Variants in SYNRG observed in about 807,000 individuals in gnomAD.
The protein encoded by SYNRG is AP1 gamma subunit binding protein 1.
Under a neutral mutation model 130.9 loss-of-function variants are expected in SYNRG, and 37 were observed. The observed-to-expected ratio is 0.28, with a 90% CI of 0.22 to 0.37. The LOEUF is 0.37. Among genes scored for constraint, SYNRG ranks in the 10% least tolerant of loss-of-function variants. The pLI, the probability that SYNRG is intolerant of heterozygous loss-of-function variation, is 1.00. For missense variants in SYNRG, 1,338 were observed against 1,588.9 expected (o/e 0.84, Z 2.68); for synonymous variants, 539 against 568.1 (o/e 0.95, Z 0.73).
chr17:37,571,307 C>T (rs1377644641), intron 9 of SYNRG, among the ~76,000 whole-genome samples: 1 of 152,154 alleles, frequency 6.6e-6, no homozygotes, highest in South Asian at 2.1e-4. Context: ...TTAGGCCAGG[C>T]GTGGTGGCTC....
Position 37,520,545 on chromosome 17 carries a change from C to G in SYNRG, c.3770G>C (p.Arg1257Thr), listed in dbSNP as rs140582285. The G allele has an allele frequency of 1.1e-5, 17 of 1,613,940 alleles. No individual in the cohort carries two copies. The African/African-American group carries it at 2.0e-4, about 19-fold the overall frequency. ...CGVCLLNVDS[R>T]SRKEEKPAEE... ...GGAGGCTGCGTGACTTACCCGGCTC[C>G]TCGAGTCCACATTCAAGAGGCACAC... Residue 1257 changes from arginine to threonine, a missense_variant, in exon 20 of 22, where the codon AGG becomes ACG. Physicochemically the swap from Arg to Thr is moderately conservative, Grantham distance 71. Around this residue, in one of 3 missense-constraint regions of SYNRG, gnomAD observed 1,146 missense variants for 1,342.3 expected, o/e 0.85. Coordinates refer to ENST00000612223, the MANE Select transcript of SYNRG (RefSeq NM_007247.6).
chr17:37,542,278 T>C lies in SYNRG; in HGVS notation c.2896A>G (p.Ser966Gly), dbSNP rs142492240. 1,111 of 1,614,114 alleles carry C rather than the reference T, an allele frequency of 6.9e-4. No individual in the cohort carries two copies. Among genetic ancestry groups the C allele is most frequent in the Non-Finnish European group, 9.1e-4 (1,076 of 1,180,056 alleles). The change falls in exon 15 of 22, where the codon AGT (serine) becomes GGT (glycine). Residue 966 changes from serine to glycine, a missense_variant. By Grantham distance (56) the Ser-to-Gly change is moderately conservative. This residue lies in a region of SYNRG where 1,146 missense variants were observed against 1,342.3 expected (regional missense o/e 0.85). Transcript: ENST00000612223. ...LPETTFPALA[S>G]FKDTIPQTSE... ...GTCTGAGGAATCGTGTCTTTAAAAC[T>C]GGCAAGAGCTGGGAAGGTGGTCTCT... is the stretch of plus-strand genomic sequence containing the variant.
rs569345043 is a variant in SYNRG, at chr17:37,602,799, G to A, written c.78-2396C>T. ...AGCACTTTGGGAGGCCAAGGCAGGCGGATCACTTGAGGCCAGGAGTTCAAG... is the reference window on the plus strand; with the variant it reads ...AGCACTTTGGGAGGCCAAGGCAGGCAGATCACTTGAGGCCAGGAGTTCAAG... On this transcript the variant is annotated intron_variant, in intron 1 of 21. Coordinates refer to ENST00000612223, the MANE Select transcript of SYNRG (RefSeq NM_007247.6). Among the ~76,000 whole-genome samples, 12 of 152,302 alleles carry A rather than the reference G, an allele frequency of 7.9e-5. No individual in the cohort carries two copies. The South Asian group carries it at 2.3e-3, about 29-fold the overall frequency.
At chr17:37,528,923 A>G (rs2056288136) in intron 19 of SYNRG, among the ~76,000 whole-genome samples, 1 of 152,244 alleles carries the variant, frequency 6.6e-6, no homozygotes, top group Non-Finnish European at 1.5e-5. Context: ...GTCATGGCTA[A>G]CCTAGTGAAA....
intron 13 of SYNRG, 101 bp from the exon 14 acceptor site, chr17:37,554,160 CACT>C (rs1307345818): frequency 9.5e-7 from 1 of 1,054,604 alleles, no homozygotes; most frequent in Non-Finnish European, 1.4e-6. Flanking sequence ...GACTTTTCTC[CACT>C]GACTTGACAT....
At chr17:37,570,491 G>T in intron 10 of SYNRG, 146 bp downstream of exon 10, 2 of 1,072,598 alleles carry the variant, frequency 1.9e-6, no homozygotes, top group Non-Finnish European at 1.3e-6. Flanking sequence ...TTAATTTCAG[G>T]TTTAGCAGTT....
At chr17:37,552,992 A>T (rs2145352755) in intron 14 of SYNRG, 123 bp downstream of exon 14, 2 of 826,966 alleles carry the variant, frequency 2.4e-6, no homozygotes, top group South Asian at 3.6e-5. Context: ...GGCAATAAAG[A>T]GGTTGATTAT....
intron 3 of SYNRG, among the ~76,000 whole-genome samples, chr17:37,588,258 C>CTTTT (rs35767898): frequency 1.3e-4 from 13 of 103,190 alleles, no homozygotes; most frequent in Non-Finnish European, 1.7e-4. Context: ...ACTTTAAATT[C>CTTTT]TTTTTTTTTT....
chr17:37,550,558 G>C (rs2058631494), intron 14 of SYNRG, among the ~76,000 whole-genome samples: 1 of 152,100 alleles, frequency 6.6e-6, no homozygotes, highest in Non-Finnish European at 1.5e-5. Context: ...ACAAAAGAGA[G>C]TGATACAGAA....
At chr17:37,606,081 G>GA in intron 1 of SYNRG, 2 of 910,618 alleles carry the variant, frequency 2.2e-6, no homozygotes, top group Non-Finnish European at 2.6e-6. Context: ...CCCTGAAACT[G>GA]AATTTCCTTA....
At chr17:37,559,706 G>A (rs771522858) in intron 13 of SYNRG, among the ~76,000 whole-genome samples, 4 of 152,076 alleles carry the variant, frequency 2.6e-5, no homozygotes, top group Non-Finnish European at 4.4e-5. Flanking sequence ...AAAAAGACTA[G>A]TTGCTGCCTT....
intron 19 of SYNRG, among the ~76,000 whole-genome samples, chr17:37,528,338 A>G (rs1056920988): frequency 6.6e-6 from 1 of 152,052 alleles, no homozygotes; most frequent in Non-Finnish European, 1.5e-5. Flanking sequence ...CCTTCCCCTT[A>G]TAAGGACTCA....
At chr17:37,606,044 C>G in intron 1 of SYNRG, 1 of 974,382 alleles carries the variant, frequency 1.0e-6, no homozygotes, top group Non-Finnish European at 1.2e-6. Flanking sequence ...AAGACGCACC[C>G]CTGAAGTTAA....
intron 11 of SYNRG, among the ~76,000 whole-genome samples, chr17:37,565,298 T>A (rs1373485751): frequency 4.0e-5 from 6 of 151,776 alleles, no homozygotes; most frequent in Admixed American, 3.9e-4. Context: ...AAGGAAAGTA[T>A]GGAAGTAGTC....
At chr17:37,532,581 G>A (rs984313255) in intron 19 of SYNRG, among the ~76,000 whole-genome samples, 9 of 147,846 alleles carry the variant, frequency 6.1e-5, no homozygotes, top group Admixed American at 1.4e-4. Context: ...GCTGAGGCAT[G>A]AGAATTGCTT....
At chr17:37,580,677 G>C (rs531967262) in intron 6 of SYNRG, among the ~76,000 whole-genome samples, 23 of 152,262 alleles carry the variant, frequency 1.5e-4, no homozygotes, top group African/African-American at 5.3e-4. Flanking sequence ...TGGGGCTACA[G>C]GTGCGTGCCA....
chr17:37,542,609 GGCAAAATGCCCTAAACTCTGTAGAA>G (rs1568328335), intron 14 of SYNRG, 44 bp from the exon 15 acceptor site: 1 of 1,522,508 alleles, frequency 6.6e-7, no homozygotes, highest in South Asian at 1.2e-5. Flanking sequence ...AAGCAATTTA[GGCAAAATGCCCTAAACTCTGTAGAA>G]GCAAAATGCC....
intron 2 of SYNRG, among the ~76,000 whole-genome samples, chr17:37,596,996 C>G (rs768656330): frequency 1.3e-5 from 2 of 152,190 alleles, no homozygotes; most frequent in Non-Finnish European, 2.9e-5. Flanking sequence ...CCCGCCTCAG[C>G]CTCCCAAAGT....
chr17:37,518,867 T>G lies in SYNRG; in HGVS notation c.*73A>C. 6.4e-7 allele frequency: 1 copy of G among 1,572,870 alleles called. No homozygotes were observed. The highest frequency in any genetic ancestry group is 1.2e-5 in the South Asian group (1 of 85,244). Reference sequence around the variant, plus strand: ...GAAGCGAACTGTGCAGTGCTCGCATTCTATTTATTGGTCCCTGTCACCCCG... The same window carrying G: ...GAAGCGAACTGTGCAGTGCTCGCATGCTATTTATTGGTCCCTGTCACCCCG... On this transcript the variant is annotated 3_prime_UTR_variant, in exon 22 of 22. Coordinates refer to ENST00000612223, the MANE Select transcript of SYNRG (RefSeq NM_007247.6).
Sources: allele counts gnomAD v4.1 joint callset (sites outside exome capture counted in the v4.1 genomes callset), GRCh38; gene constraint gnomAD v4.1.1; regional missense constraint gnomAD v4.1.1; transcripts MANE v1.5; gene names NCBI Gene and HGNC (gene_info 2026-07-23, HGNC 2026-07-21).